The following ADCY8 variants were observed in gnomAD, a reference collection of about 807,000 sequenced individuals.
ADCY8 encodes the protein adenylate cyclase type 8.
A neutral mutation model predicts 119.7 loss-of-function variants in ADCY8; 51 were observed. The observed-to-expected ratio is 0.43, with a 90% CI of 0.34 to 0.54. The LOEUF (loss-of-function observed/expected upper bound fraction) is 0.54, where lower values mean the gene tolerates loss of function less well. Ranked by LOEUF, ADCY8 falls within the 20% of genes least tolerant of loss-of-function variation. The pLI is 0.03. For synonymous variants in ADCY8, 665 were observed against 651.0 expected (o/e 1.02, Z -0.33); for missense variants, 1,383 against 1,598.8 (o/e 0.87, Z 2.30).
At chr8:130,785,833 C>T (rs974888111) in intron 15 of ADCY8, among the ~76,000 whole-genome samples, 9 of 152,144 alleles carry the variant, frequency 5.9e-5, no homozygotes, top group Admixed American at 2.0e-4. Flanking sequence ...AAGACCTGTC[C>T]GCTCTCTTAT....
At chr8:130,915,676 A>G (rs997364031) in intron 5 of ADCY8, among the ~76,000 whole-genome samples, 6 of 152,210 alleles carry the variant, frequency 3.9e-5, no homozygotes, top group African/African-American at 1.4e-4. Context: ...ACTCAAAAAT[A>G]GTACCTAGTA....
At chr8:130,817,421 A>C (rs1017807852) in intron 13 of ADCY8, among the ~76,000 whole-genome samples, 1 of 152,200 alleles carries the variant, frequency 6.6e-6, no homozygotes, top group African/African-American at 2.4e-5. Flanking sequence ...GTTCCTACAA[A>C]AAAATTCCCA....
At chr8:130,783,928 C>G (rs1038808161) in intron 16 of ADCY8, 123 bp from the exon 17 acceptor site, 1 of 670,048 alleles carries the variant, frequency 1.5e-6, no homozygotes, top group Non-Finnish European at 2.5e-6. Context: ...AGGAAATAAT[C>G]ATGTGGGTGA....
intron 16 of ADCY8, among the ~76,000 whole-genome samples, chr8:130,784,774 G>GT (rs1361374174): frequency 1.3e-5 from 2 of 152,234 alleles, no homozygotes; most frequent in African/African-American, 4.8e-5. Context: ...GTATTTTATT[G>GT]TTTTTAGTTG....
chr8:130,921,798 C>A (rs928998718), intron 5 of ADCY8, among the ~76,000 whole-genome samples: 1 of 152,036 alleles, frequency 6.6e-6, no homozygotes, highest in Admixed American at 6.6e-5. Flanking sequence ...TTTATATAAT[C>A]ATTTCCGTAC....
intron 12 of ADCY8, among the ~76,000 whole-genome samples, chr8:130,834,110 C>T (rs1462777731): frequency 6.6e-6 from 1 of 152,052 alleles, no homozygotes; most frequent in East Asian, 1.9e-4. Flanking sequence ...CTTGATGTAG[C>T]CATTCTACCA....
chr8:131,040,299 C>G lies in ADCY8; in HGVS notation c.35G>C (p.Ser12Thr). The change falls in exon 1 of 18, where the codon AGC (serine) becomes ACC (threonine). Residue 12 changes from serine to threonine, a missense_variant. This residue lies in a region of ADCY8 where 455 missense variants were observed against 435.3 expected (regional missense o/e 1.05). Transcript: ENST00000286355. The stretch of plus-strand genomic sequence containing the variant: ...CGGGTGGATGGTGTAGAGTTCCTCG[C>G]TGCCTGTAAGGCAGCGCACATCGGA... ...ELSDVRCLTG[S>T]EELYTIHPTP... The G allele has an allele frequency of 1.3e-6, 2 of 1,554,900 alleles. No homozygotes were observed. Among genetic ancestry groups the G allele is most frequent in the Non-Finnish European group, 1.7e-6 (2 of 1,155,382 alleles).
At chr8:130,989,519 A>G (rs1822509220) in intron 2 of ADCY8, among the ~76,000 whole-genome samples, 1 of 152,184 alleles carries the variant, frequency 6.6e-6, no homozygotes, top group Non-Finnish European at 1.5e-5. Context: ...GGCTTAGTTA[A>G]AAAAAGGTCT....
intron 2 of ADCY8, among the ~76,000 whole-genome samples, chr8:130,990,014 T>C: frequency 6.6e-6 from 1 of 152,162 alleles, no homozygotes; most frequent in East Asian, 1.9e-4. Context: ...CTAATTTGAA[T>C]TGGTAAACAG....
chr8:130,827,548 T>A (rs969225158), intron 12 of ADCY8, among the ~76,000 whole-genome samples: 1 of 152,204 alleles, frequency 6.6e-6, no homozygotes, highest in Non-Finnish European at 1.5e-5. Context: ...TGCTGGCCAG[T>A]CTTTTCTCTT....
intron 14 of ADCY8, among the ~76,000 whole-genome samples, chr8:130,812,489 TG>T (rs1816200448): frequency 6.6e-6 from 1 of 152,202 alleles, no homozygotes; most frequent in South Asian, 2.1e-4. Flanking sequence ...AATCTATGAC[TG>T]GTGATGTTAA....
intron 1 of ADCY8, among the ~76,000 whole-genome samples, chr8:131,005,854 G>A (rs1823099775): frequency 6.6e-6 from 1 of 152,136 alleles, no homozygotes; most frequent in South Asian, 2.1e-4. Context: ...GCTTCATCAA[G>A]CCTTGTGGCT....
chr8:130,829,475 G>A (rs564569762), intron 12 of ADCY8, among the ~76,000 whole-genome samples: 4 of 137,312 alleles, frequency 2.9e-5, no homozygotes, highest in South Asian at 4.4e-4. Flanking sequence ...AAAGGAAAGA[G>A]ATTTTATGTA....
At chr8:130,940,160 A>G (rs921655067) in intron 4 of ADCY8, among the ~76,000 whole-genome samples, 1 of 152,190 alleles carries the variant, frequency 6.6e-6, no homozygotes, top group Non-Finnish European at 1.5e-5. Flanking sequence ...CATCTTACGG[A>G]TGGGAACAGC....
intron 9 of ADCY8, among the ~76,000 whole-genome samples, chr8:130,867,592 T>C (rs1818172939): frequency 6.6e-6 from 1 of 152,190 alleles, no homozygotes; most frequent in African/African-American, 2.4e-5. Context: ...TCATGTCAAA[T>C]AAGAGTGGGG....
chr8:130,898,012 C>G (rs1191848945), intron 7 of ADCY8, among the ~76,000 whole-genome samples: 3 of 151,844 alleles, frequency 2.0e-5, no homozygotes, highest in African/African-American at 7.3e-5. Flanking sequence ...TAAATACTCA[C>G]TCACCTTCTG....
chr8:130,846,183 G>C (rs1041950693), intron 11 of ADCY8, among the ~76,000 whole-genome samples: 9 of 152,090 alleles, frequency 5.9e-5, no homozygotes, highest in Admixed American at 4.6e-4. Context: ...CAGCCTCTTA[G>C]AGAACAAGAA....
intron 1 of ADCY8, among the ~76,000 whole-genome samples, chr8:131,010,640 C>A (rs1311953047): frequency 1.3e-5 from 2 of 152,292 alleles, no homozygotes; most frequent in African/African-American, 2.4e-5. Flanking sequence ...ATAATTCCAG[C>A]AATGCTGTCT....
intron 1 of ADCY8, among the ~76,000 whole-genome samples, chr8:131,019,636 G>C (rs1475247544): frequency 6.6e-6 from 1 of 152,112 alleles, no homozygotes; most frequent in Non-Finnish European, 1.5e-5. Context: ...CAAGCCTTTA[G>C]CACCAGCCTT....
Sources: allele counts gnomAD v4.1 joint callset (sites outside exome capture counted in the v4.1 genomes callset), GRCh38; gene constraint gnomAD v4.1.1; regional missense constraint gnomAD v4.1.1; transcripts MANE v1.5; gene names NCBI Gene and HGNC (gene_info 2026-07-23, HGNC 2026-07-21).